PDZRN4: variants seen among roughly 807,000 people sequenced by gnomAD.
PDZRN4 encodes the protein PDZ domain-containing RING finger protein 4.
Under a neutral mutation model 99.0 loss-of-function variants are expected in PDZRN4, and 70 were observed. That is an observed-to-expected ratio of 0.71 (90% CI 0.58 to 0.86). The LOEUF (loss-of-function observed/expected upper bound fraction) is 0.86, where lower values mean the gene tolerates loss of function less well. Among genes scored for constraint, PDZRN4 ranks in the 40% least tolerant of loss-of-function variants. PDZRN4 has a pLI of 0.00. For missense variants in PDZRN4, 1,474 were observed against 1,331.2 expected, an observed-to-expected ratio of 1.11 and a Z score of -1.67; for synonymous variants, 551 against 501.6, an observed-to-expected ratio of 1.10 and a Z score of -1.32.
intron 8 of PDZRN4, among the ~76,000 whole-genome samples, chr12:41,564,001 C>T (rs1044266956): frequency 1.3e-5 from 2 of 152,082 alleles, no homozygotes; most frequent in African/African-American, 4.8e-5. Flanking sequence ...TTCAATTTGC[C>T]ACTTACTTAA....
intron 3 of PDZRN4, among the ~76,000 whole-genome samples, chr12:41,302,187 C>T (rs1951540903): frequency 6.6e-6 from 1 of 151,996 alleles, no homozygotes; most frequent in Non-Finnish European, 1.5e-5. Flanking sequence ...TACAGAACTA[C>T]TCAGAATATT....
At chr12:41,339,934 G>A (rs973896018) in intron 3 of PDZRN4, among the ~76,000 whole-genome samples, 5 of 151,986 alleles carry the variant, frequency 3.3e-5, no homozygotes, top group African/African-American at 9.7e-5. Context: ...GAATGCTGGT[G>A]AGAATATGAA....
intron 5 of PDZRN4, 137 bp downstream of exon 5, chr12:41,510,050 A>G (rs1938280723): frequency 6.5e-6 from 3 of 463,726 alleles, no homozygotes; most frequent in Non-Finnish European, 1.2e-5. Flanking sequence ...TTCAAATACT[A>G]TTTGCTTTAG....
intron 3 of PDZRN4, among the ~76,000 whole-genome samples, chr12:41,335,601 C>G (rs1951767563): frequency 6.6e-6 from 1 of 152,040 alleles, no homozygotes; most frequent in South Asian, 2.1e-4. Flanking sequence ...TACAATAAAA[C>G]ATATTTATAA....
In PDZRN4 at chr12:41,464,912, C is replaced by T. The variant is rs556834388; in HGVS notation, c.844-41544C>T. 1.7e-4 allele frequency among the ~76,000 whole-genome samples: 25 copies of T among 150,856 alleles called. No individual in the cohort carries two copies. The East Asian group carries it at 4.7e-3, about 28-fold the overall frequency. On this transcript the variant is annotated intron_variant, in intron 3 of 9. Coordinates refer to ENST00000402685, the MANE Select transcript of PDZRN4 (RefSeq NM_001164595.2). ...TGATCTCAGCTCACTGCAACCCCCT[C>T]CTCCCAGGTTCAAGTGATTCTCCTG...
chr12:41,396,322 G>GCTTA (rs1952245319), intron 3 of PDZRN4, among the ~76,000 whole-genome samples: 2 of 152,074 alleles, frequency 1.3e-5, no homozygotes, highest in African/African-American at 4.8e-5. Context: ...TTCAAGGCAT[G>GCTTA]CTGGCCGCTT....
intron 3 of PDZRN4, among the ~76,000 whole-genome samples, chr12:41,373,725 T>C (rs1277858788): frequency 6.6e-6 from 1 of 152,128 alleles, no homozygotes; most frequent in African/African-American, 2.4e-5. Flanking sequence ...CCTCAGCTTA[T>C]GAAGATGACG....
chr12:41,213,497 C>G (rs1039575014), intron 3 of PDZRN4, among the ~76,000 whole-genome samples: 4 of 152,072 alleles, frequency 2.6e-5, no homozygotes, highest in Admixed American at 2.0e-4. Flanking sequence ...ACTGACAGTT[C>G]ACTTGTACAG....
At chr12:41,300,229 T>C (rs185723335) in intron 3 of PDZRN4, among the ~76,000 whole-genome samples, 1 of 152,102 alleles carries the variant, frequency 6.6e-6, no homozygotes, top group African/African-American at 2.4e-5. Flanking sequence ...TACTTTTGTC[T>C]TCCAAAAATC....
At position 41,369,947 on chromosome 12, in the gene PDZRN4, T is replaced by C. The variant is rs1309039000; in HGVS notation, c.844-136509T>C. ...GCATCTCATTTTCATTACTTAGTAATTAGTCTTAAAACTTTTGTATGCATA... is the reference window on the plus strand; with the variant it reads ...GCATCTCATTTTCATTACTTAGTAACTAGTCTTAAAACTTTTGTATGCATA... On this transcript the variant is annotated intron_variant, in intron 3 of 9. Transcript: ENST00000402685. Among the ~76,000 whole-genome samples the C allele has an allele frequency of 2.0e-5, 3 of 151,968 alleles. No individual in the cohort carries two copies. In the East Asian group the frequency reaches 5.8e-4, roughly 29 times the overall value.
chr12:41,253,715 A>G (rs1951186369), intron 3 of PDZRN4, among the ~76,000 whole-genome samples: 1 of 152,186 alleles, frequency 6.6e-6, no homozygotes, highest in Non-Finnish European at 1.5e-5. Context: ...CACTATTCAC[A>G]ATAGCTAAAA....
intron 3 of PDZRN4, among the ~76,000 whole-genome samples, chr12:41,298,927 C>T (rs183864542): frequency 4.1e-4 from 62 of 152,238 alleles, no homozygotes; most frequent in African/African-American, 1.5e-3. Flanking sequence ...TCTCTCATTG[C>T]TGTTAGAGCC....
At chr12:41,234,787 T>C (rs549515874) in intron 3 of PDZRN4, among the ~76,000 whole-genome samples, 4 of 152,238 alleles carry the variant, frequency 2.6e-5, no homozygotes, top group African/African-American at 9.6e-5. Flanking sequence ...TTGAATCTCC[T>C]GAAATTGGAG....
At chr12:41,397,343 A>G (rs1952255131) in intron 3 of PDZRN4, among the ~76,000 whole-genome samples, 1 of 152,174 alleles carries the variant, frequency 6.6e-6, no homozygotes, top group Admixed American at 6.6e-5. Flanking sequence ...TCAATCCAAA[A>G]ATAGGCACAA....
intron 3 of PDZRN4, among the ~76,000 whole-genome samples, chr12:41,483,663 G>T (rs1937719602): frequency 6.6e-6 from 1 of 152,130 alleles, no homozygotes; most frequent in African/African-American, 2.4e-5. Flanking sequence ...GACTGTATGA[G>T]TTCAAATGAT....
intron 3 of PDZRN4, chr12:41,473,644 G>A (rs1423849138): frequency 6.6e-6 from 1 of 152,150 alleles, no homozygotes; most frequent in African/African-American, 2.4e-5. Flanking sequence ...ATTATCTCTT[G>A]TTATGTATTT....
chr12:41,453,821 G>T (rs893673499), intron 3 of PDZRN4, among the ~76,000 whole-genome samples: 1 of 151,694 alleles, frequency 6.6e-6, no homozygotes, highest in South Asian at 2.1e-4. Context: ...AGAGTGGGGG[G>T]TTTCCCCCAT....
chr12:41,512,609 A>G (rs1472265041), intron 5 of PDZRN4, among the ~76,000 whole-genome samples: 1 of 152,044 alleles, frequency 6.6e-6, no homozygotes, highest in Non-Finnish European at 1.5e-5. Context: ...TTTGACCATG[A>G]TATAGGAAGT....
intron 7 of PDZRN4, among the ~76,000 whole-genome samples, chr12:41,558,338 T>C (rs1444289721): frequency 6.6e-6 from 1 of 152,154 alleles, no homozygotes; most frequent in African/African-American, 2.4e-5. Context: ...ATTAGGTCTA[T>C]ATTGTGTCAT....
Sources: gnomAD v4.1 joint callset for allele counts (sites outside exome capture counted in the v4.1 genomes callset) on GRCh38, gnomAD v4.1.1 for gene constraint, MANE v1.5 for transcripts, NCBI Gene and HGNC (gene_info 2026-07-23, HGNC 2026-07-21) for gene names.